Variants in RNF152 observed in about 807,000 individuals in gnomAD.
RNF152 encodes the protein E3 ubiquitin-protein ligase RNF152.
A neutral mutation model predicts 12.7 loss-of-function variants in RNF152; 11 were observed. That is an observed-to-expected ratio of 0.86 (90% confidence interval 0.54 to 1.43). The LOEUF is 1.43. Among genes scored for constraint, RNF152 ranks in the 40% most tolerant of loss-of-function variants. The pLI is 0.00. For synonymous variants in RNF152, 113 were observed against 120.3 expected (o/e 0.94, Z 0.40); for missense variants, 255 against 274.8 (o/e 0.93, Z 0.51).
chr18:61,829,647 G>A (rs1000991952), intron 1 of RNF152, among the ~76,000 whole-genome samples: 3 of 151,650 alleles, frequency 2.0e-5, no homozygotes, highest in Admixed American at 6.6e-5. Context: ...GAGTGAAGAG[G>A]GGAGGACCAG....
chr18:61,830,809 G>A (rs1043225821), intron 1 of RNF152, among the ~76,000 whole-genome samples: 2 of 152,166 alleles, frequency 1.3e-5, no homozygotes, highest in Non-Finnish European at 2.9e-5. Flanking sequence ...GCAGCTGGAT[G>A]GAGGAAGCAT....
chr18:61,845,623 G>C (rs1441897525), intron 1 of RNF152, among the ~76,000 whole-genome samples: 1 of 152,094 alleles, frequency 6.6e-6, no homozygotes, highest in Admixed American at 6.6e-5. Flanking sequence ...GACATCGAAG[G>C]GTTTATGTGA....
chr18:61,863,378 T>A (rs1231575190), intron 1 of RNF152, among the ~76,000 whole-genome samples: 1 of 143,238 alleles, frequency 7.0e-6, no homozygotes, highest in Non-Finnish European at 1.5e-5. Flanking sequence ...GAGGTTGCAG[T>A]GAGCGGCGAT....
At chr18:61,875,135 G>A (rs4941075) in intron 1 of RNF152, 6,759 of 152,240 alleles carry the variant, frequency 0.044, 215 homozygotes, top group Middle Eastern at 0.062. Flanking sequence ...TTGAATAGAA[G>A]GATAGAGGAA....
intron 1 of RNF152, among the ~76,000 whole-genome samples, chr18:61,858,481 C>G (rs1359559546): frequency 6.6e-6 from 1 of 152,108 alleles, no homozygotes; most frequent in Non-Finnish European, 1.5e-5. Context: ...AAGATCCAGC[C>G]ACCTCTAGAA....
At chr18:61,828,247 CCTTT>C (rs112273721) in intron 1 of RNF152, among the ~76,000 whole-genome samples, 40,470 of 151,956 alleles carry the variant, frequency 0.27, 6,175 homozygotes, top group Non-Finnish European at 0.35. Flanking sequence ...TTTCTTCCTT[CCTTT>C]CTTTTTTAAG....
chr18:61,840,099 A>G (rs1336360784), intron 1 of RNF152, among the ~76,000 whole-genome samples: 1 of 152,106 alleles, frequency 6.6e-6, no homozygotes, highest in Non-Finnish European at 1.5e-5. Flanking sequence ...TAGAAAATAA[A>G]TGTAACCTAA....
At chr18:61,828,923 G>A (rs1192868041) in intron 1 of RNF152, among the ~76,000 whole-genome samples, 1 of 152,156 alleles carries the variant, frequency 6.6e-6, no homozygotes, top group African/African-American at 2.4e-5. Context: ...GTATCAGGTT[G>A]AACTGGAAGA....
intron 1 of RNF152, among the ~76,000 whole-genome samples, chr18:61,829,504 G>C (rs4076952): frequency 2.7e-5 from 4 of 150,080 alleles, no homozygotes; most frequent in Non-Finnish European, 4.4e-5. Context: ...GGGAGAGAGA[G>C]ATATATATAT....
chr18:61,845,333 A>G (rs1454360158), intron 1 of RNF152, among the ~76,000 whole-genome samples: 2 of 152,176 alleles, frequency 1.3e-5, no homozygotes, highest in Admixed American at 6.5e-5. Context: ...TCTCAAATAA[A>G]ACCTCATTAA....
chr18:61,889,518 C>T (rs1230119033), intron 1 of RNF152, among the ~76,000 whole-genome samples: 1 of 152,166 alleles, frequency 6.6e-6, no homozygotes, highest in Non-Finnish European at 1.5e-5. Flanking sequence ...GCATCCAACT[C>T]TTTTTAGGGA....
intron 1 of RNF152, among the ~76,000 whole-genome samples, chr18:61,861,547 G>T (rs1275133781): frequency 6.6e-6 from 1 of 152,188 alleles, no homozygotes; most frequent in African/African-American, 2.4e-5. Flanking sequence ...CTGTCATCAA[G>T]TGAGGCATGA....
At chr18:61,863,951 T>C (rs1911615772) in intron 1 of RNF152, among the ~76,000 whole-genome samples, 1 of 152,222 alleles carries the variant, frequency 6.6e-6, no homozygotes. Flanking sequence ...TCCATGTATT[T>C]TAATCTTTCT....
rs529984469 is a variant in RNF152 at position 61,855,158 on chromosome 18, C to T, written c.-136+37637G>A. 3.3e-5 allele frequency among the ~76,000 whole-genome samples: 5 copies of T among 152,214 alleles called. No homozygotes were observed. The South Asian group carries it at 6.2e-4, about 19-fold the overall frequency. ...AAGGATTTGAAGGACAGCAAGATTCCCCAGTATCTAAGAAAGAGTCAATTG... is the reference window on the plus strand; with the variant it reads ...AAGGATTTGAAGGACAGCAAGATTCTCCAGTATCTAAGAAAGAGTCAATTG... On this transcript the variant is annotated intron_variant, in intron 1 of 1. Coordinates refer to ENST00000312828, the MANE Select transcript of RNF152 (RefSeq NM_173557.3).
At chr18:61,828,688 C>T (rs540299474) in intron 1 of RNF152, among the ~76,000 whole-genome samples, 1 of 152,322 alleles carries the variant, frequency 6.6e-6, no homozygotes, top group African/African-American at 2.4e-5. Context: ...CAAAGTTTTT[C>T]ATCCAACTTC....
Position 61,858,036 on chromosome 18 carries a change from G to C in RNF152, c.-136+34759C>G, listed in dbSNP as rs73458454. On this transcript the variant is annotated intron_variant, in intron 1 of 1. Coordinates refer to ENST00000312828, the MANE Select transcript of RNF152 (RefSeq NM_173557.3). ...AAATAAATGAAGCAGAGCCACCCCAGCAGGGGCTGAAAAAGACAATTGTCT... is the reference window on the plus strand; with the variant it reads ...AAATAAATGAAGCAGAGCCACCCCACCAGGGGCTGAAAAAGACAATTGTCT... 5.5e-4 allele frequency among the ~76,000 whole-genome samples: 84 copies of C among 152,322 alleles called. 1 individual carries two copies. The highest frequency in any genetic ancestry group is 1.9e-3 in the African/African-American group (81 of 41,574).
At chr18:61,845,676 T>C (rs1374718423) in intron 1 of RNF152, among the ~76,000 whole-genome samples, 1 of 152,208 alleles carries the variant, frequency 6.6e-6, no homozygotes, top group Non-Finnish European at 1.5e-5. Context: ...TACTGCCCTA[T>C]AATGCACTTG....
chr18:61,888,528 C>T (rs1301326298), intron 1 of RNF152: 1 of 152,208 alleles, frequency 6.6e-6, no homozygotes, highest in Non-Finnish European at 1.5e-5. Flanking sequence ...TGCTTTAATA[C>T]AAAATAGGCT....
At chr18:61,842,293 C>G (rs952387053) in intron 1 of RNF152, among the ~76,000 whole-genome samples, 3 of 152,206 alleles carry the variant, frequency 2.0e-5, no homozygotes, top group African/African-American at 7.2e-5. Flanking sequence ...CTGAAAGCCC[C>G]TTTGTGGCCT....
Sources: gnomAD v4.1 joint callset for allele counts (sites outside exome capture counted in the v4.1 genomes callset) on GRCh38, gnomAD v4.1.1 for gene constraint, MANE v1.5 for transcripts, NCBI Gene and HGNC (gene_info 2026-07-23, HGNC 2026-07-21) for gene names.